The following CLEC2L variants were observed in gnomAD, a reference collection of about 807,000 sequenced individuals.
CLEC2L encodes C-type lectin domain family 2, member L.
A neutral mutation model predicts 23.6 loss-of-function variants in CLEC2L; 14 were observed. That is an observed-to-expected ratio of 0.59 (90% CI 0.39 to 0.93). The LOEUF is 0.93. Ranked by LOEUF, CLEC2L falls within the 40% of genes least tolerant of loss-of-function variation. The pLI is 0.00. For missense variants in CLEC2L, 264 were observed against 282.4 expected, an observed-to-expected ratio of 0.93 and a Z score of 0.47; for synonymous variants, 114 against 121.3, an observed-to-expected ratio of 0.94 and a Z score of 0.40.
intron 3 of CLEC2L, 52 bp from the exon 4 acceptor site, chr7:139,541,969 G>A: frequency 1.6e-6 from 2 of 1,228,500 alleles, no homozygotes; most frequent in Non-Finnish European, 2.4e-6. Flanking sequence ...GGATGTGACA[G>A]CAGTCAGGAG....
chr7:139,533,706 G>A (rs978011607), intron 1 of CLEC2L, among the ~76,000 whole-genome samples: 1 of 152,164 alleles, frequency 6.6e-6, no homozygotes, highest in South Asian at 2.1e-4. Flanking sequence ...CCTTAAATCT[G>A]TGCTTTTCAG....
In CLEC2L at chr7:139,542,099, G is replaced by C. The variant is rs1797743882; in HGVS notation, c.511G>C (p.Gly171Arg). The change falls in exon 4 of 5, where the codon GGG becomes CGG. Residue 171 changes from glycine to arginine, a missense_variant. By Grantham distance (125) the Gly-to-Arg change is moderately radical. Transcript: ENST00000422142. ...RVGDEFHWVN[G>R]DPFDPDTFTI... The stretch of plus-strand genomic sequence containing the variant: ...TGGGGACGAATTCCACTGGGTCAAC[G>C]GGGACCCGTTTGATCCGGACACGTG... 1.2e-6 allele frequency: 2 copies of C among 1,611,756 alleles called. No individual in the cohort carries two copies. Among genetic ancestry groups the C allele is most frequent in the Non-Finnish European group, 1.7e-6 (2 of 1,178,908 alleles).
Position 139,536,300 on chromosome 7 carries a change from G to A in CLEC2L, c.217G>A (p.Ala73Thr). The part of the protein sequence containing the change: ...EDTTTRLLLG[A>T]IAVLLFAILV... ...CACCACCACACGCCTCCTGCTGGGTGCCATCGCGGTCCTTCTGTTCGCCAT... is the reference window on the plus strand; with the variant it reads ...CACCACCACACGCCTCCTGCTGGGTACCATCGCGGTCCTTCTGTTCGCCAT... Residue 73 changes from alanine to threonine, a missense_variant, in exon 2 of 5, where the codon GCC becomes ACC. Transcript: ENST00000422142. The A allele has an allele frequency of 6.4e-7, 1 of 1,551,472 alleles. No individual in the cohort carries two copies. Among genetic ancestry groups the A allele is most frequent in the Non-Finnish European group, 8.7e-7 (1 of 1,146,866 alleles).
intron 1 of CLEC2L, among the ~76,000 whole-genome samples, chr7:139,532,562 C>A (rs182636791): frequency 6.6e-6 from 1 of 152,114 alleles, no homozygotes. Context: ...ATGGCCTGCA[C>A]GTTGGTTTCC....
At chr7:139,533,012 A>G (rs932583256) in intron 1 of CLEC2L, among the ~76,000 whole-genome samples, 4 of 152,360 alleles carry the variant, frequency 2.6e-5, no homozygotes, top group Non-Finnish European at 5.9e-5. Flanking sequence ...AAAGAAGACC[A>G]GGATTAACAG....
Position 139,542,018 on chromosome 7 carries a change from C to A in CLEC2L, c.433-3C>A. ...CTGAGGTGTCCCTTTTTCCTCGGTG[C>A]AGGAATTTATGTTCAAGTTCACGCG... is the stretch of plus-strand genomic sequence containing the variant. On this transcript the variant is annotated splice_region_variant and splice_polypyrimidine_tract_variant and intron_variant, in intron 3 of 4. Coordinates refer to ENST00000422142, the MANE Select transcript of CLEC2L (RefSeq NM_001080511.4). The A allele has an allele frequency of 6.2e-7, 1 of 1,607,142 alleles. No homozygotes were observed.
chr7:139,529,951 C>G (rs939222981), intron 1 of CLEC2L, among the ~76,000 whole-genome samples: 2 of 151,820 alleles, frequency 1.3e-5, no homozygotes, highest in Non-Finnish European at 2.9e-5. Context: ...GCCTATAGTC[C>G]CAGCTACTTG....
chr7:139,523,867 G>T lies in CLEC2L; in HGVS notation c.-61G>T, dbSNP rs1201852107. On this transcript the variant is annotated 5_prime_UTR_variant, in exon 1 of 5. Transcript: ENST00000422142. This position sits in a 1 kb window ranked among gnomAD's most constrained non-coding sequence, Gnocchi z 4.1. ...AGGGCGCGCGGAGCGCCGAGTGCGC[G>T]TCGGGCTGGGCCCCGCACCCCGGTG... 8.2e-6 allele frequency: 8 copies of T among 973,050 alleles called. No individual in the cohort carries two copies. Among genetic ancestry groups the T allele is most frequent in the Admixed American group, 1.3e-4 (2 of 15,728 alleles). 60.3% of individuals were successfully genotyped at this position (973,050 alleles called of 1,614,324 possible). A position where few individuals can be genotyped will look rare whatever the true frequency, so the allele number is the denominator to read the frequency against.
At chr7:139,532,233 AT>A (rs1411581432) in intron 1 of CLEC2L, among the ~76,000 whole-genome samples, 1 of 152,202 alleles carries the variant, frequency 6.6e-6, no homozygotes, top group Non-Finnish European at 1.5e-5. Context: ...TGAGTTCACA[AT>A]TCCATGGGCA....
rs1052831270 is a variant in CLEC2L, at chr7:139,536,329, G to C, written c.246G>C (p.Leu82Phe). ...GAIAVLLFAI[L>F]VVMSILASKG... ...TCGCGGTCCTTCTGTTCGCCATCTT[G>C]GTGGTGATGAGCATCTTGGGTGAGC... Residue 82 changes from leucine to phenylalanine, a missense_variant, in exon 2 of 5, where the codon TTG becomes TTC. Coordinates refer to ENST00000422142, the MANE Select transcript of CLEC2L (RefSeq NM_001080511.4). 6.4e-7 allele frequency: 1 copy of C among 1,551,480 alleles called. No homozygotes were observed. The highest frequency in any genetic ancestry group is 2.4e-5 in the East Asian group (1 of 40,904).
intron 1 of CLEC2L, chr7:139,534,154 A>G (rs1329325613): frequency 4.5e-6 from 3 of 672,232 alleles, no homozygotes; most frequent in African/African-American, 1.8e-5. Flanking sequence ...AAATTATGCA[A>G]CCAATGATGG....
chr7:139,531,927 G>T (rs529735510), intron 1 of CLEC2L, among the ~76,000 whole-genome samples: 10 of 150,868 alleles, frequency 6.6e-5, no homozygotes, highest in Non-Finnish European at 1.2e-4. Flanking sequence ...AAAAGAAAAA[G>T]AAAAAGAAAA....
rs1797711851 is a variant in CLEC2L, at chr7:139,540,121, T to C, written c.266-200T>C. On this transcript the variant is annotated intron_variant, in intron 2 of 4. Transcript: ENST00000422142. The surrounding 1 kb of genome is among the most constrained non-coding windows in gnomAD (Gnocchi z 5.8). ...CTGCTGTCACTTCCCGTCGTGATGA[T>C]GCCCCTGCCAGGCTTCCCACAGTCC... 1.7e-6 allele frequency: 1 copy of C among 572,804 alleles called. No homozygotes were observed. The highest frequency in any genetic ancestry group is 3.1e-6 in the Non-Finnish European group (1 of 323,620). 35.5% of individuals were successfully genotyped at this position (572,804 alleles called of 1,614,324 possible).
chr7:139,542,043 G>T lies in CLEC2L; in HGVS notation c.455G>T (p.Arg152Leu). The T allele has an allele frequency of 6.2e-7, 1 of 1,612,806 alleles. No individual in the cohort carries two copies. Among genetic ancestry groups the T allele is most frequent in the Non-Finnish European group, 8.5e-7 (1 of 1,179,478 alleles). The change falls in exon 4 of 5, where the codon CGG (arginine) becomes CTG (leucine). Residue 152 changes from arginine to leucine, a missense_variant. Coordinates refer to ENST00000422142, the MANE Select transcript of CLEC2L (RefSeq NM_001080511.4). ...KELEFMFKFT[R>L]REPWIGLRRV... ...CAGGAATTTATGTTCAAGTTCACGC[G>T]GAGGGAGCCCTGGATTGGACTACGC...
intron 2 of CLEC2L, among the ~76,000 whole-genome samples, chr7:139,538,755 A>G (rs1797695482): frequency 1.9e-5 from 1 of 53,400 alleles, no homozygotes; most frequent in South Asian, 8.5e-4. Context: ...TCTCAAAAAA[A>G]CAAAACAAAA....
In CLEC2L at chr7:139,544,354, C is replaced by T; in HGVS notation, c.*12C>T. 6.4e-7 allele frequency: 1 copy of T among 1,573,348 alleles called. No individual in the cohort carries two copies. Among genetic ancestry groups the T allele is most frequent in the African/African-American group, 1.3e-5 (1 of 74,258 alleles). On this transcript the variant is annotated 3_prime_UTR_variant, in exon 5 of 5. Coordinates refer to ENST00000422142, the MANE Select transcript of CLEC2L (RefSeq NM_001080511.4). The stretch of plus-strand genomic sequence containing the variant: ...TGGCCTATACTTGAGGTGGGTGGGG[C>T]CAGAGGTGGCCCCGCCCCTAGGCCT...
At chr7:139,532,027 A>T (rs1797589974) in intron 1 of CLEC2L, among the ~76,000 whole-genome samples, 1 of 152,232 alleles carries the variant, frequency 6.6e-6, no homozygotes, top group Non-Finnish European at 1.5e-5. Flanking sequence ...CATGGCATGC[A>T]ATGATGAAAT....
intron 1 of CLEC2L, among the ~76,000 whole-genome samples, chr7:139,526,880 C>A (rs1184924332): frequency 6.6e-6 from 1 of 152,228 alleles, no homozygotes; most frequent in East Asian, 1.9e-4. Flanking sequence ...CTGCTTCCCA[C>A]CCCAAACCTG....
chr7:139,532,098 G>A (rs1164130278), intron 1 of CLEC2L, among the ~76,000 whole-genome samples: 6 of 152,156 alleles, frequency 3.9e-5, no homozygotes, highest in Admixed American at 2.0e-4. Flanking sequence ...TTAAGCAGTT[G>A]AAAAGGATCA....
Sources: allele counts gnomAD v4.1 joint callset (sites outside exome capture counted in the v4.1 genomes callset), GRCh38; gene constraint gnomAD v4.1.1; non-coding constraint Gnocchi (gnomAD v3.1); transcripts MANE v1.5; gene names NCBI Gene and HGNC (gene_info 2026-07-23, HGNC 2026-07-21).